Variants in PKD1L3 observed in about 807,000 individuals in gnomAD.
The protein encoded by PKD1L3 is polycystin 1 like 3, transient receptor potential channel interacting, also known as polycystin-1-like protein 3.
A neutral mutation model predicts 184.1 loss-of-function variants in PKD1L3; 239 were observed. The ratio of observed to expected loss-of-function variants is 1.30; its 90% confidence interval spans 1.17 to 1.45. The LOEUF (loss-of-function observed/expected upper bound fraction) is 1.45. Among genes scored for constraint, PKD1L3 ranks in the 40% most tolerant of loss-of-function variants. The pLI, the probability that PKD1L3 is intolerant of heterozygous loss-of-function variation, is 0.00. For synonymous variants in PKD1L3, 996 were observed against 778.8 expected, an observed-to-expected ratio of 1.28 and a Z score of -4.64; for missense variants, 2,660 against 2,067.2, an observed-to-expected ratio of 1.29 and a Z score of -5.56.
intron 17 of PKD1L3, 56 bp downstream of exon 17, chr16:71,954,049 C>CAA (rs1555517214): frequency 3.9e-5 from 44 of 1,124,048 alleles, no homozygotes; most frequent in Admixed American, 7.0e-5. Flanking sequence ...GACCCTGTCT[C>CAA]AAAAAAAAAA....
chr16:71,973,041 T>G (rs2039777584), intron 12 of PKD1L3, among the ~76,000 whole-genome samples: 1 of 152,248 alleles, frequency 6.6e-6, no homozygotes, highest in African/African-American at 2.4e-5. Context: ...TGTAGAATTT[T>G]ATGGCTTCCA....
At chr16:71,931,104 A>T (rs2143073949) in intron 28 of PKD1L3, 1 of 152,200 alleles carries the variant, frequency 6.6e-6, no homozygotes, top group Admixed American at 6.5e-5. Context: ...TTGTTTTTTA[A>T]TGTTTTTTAC....
intron 16 of PKD1L3, among the ~76,000 whole-genome samples, chr16:71,956,165 T>A (rs972561102): frequency 1.1e-4 from 17 of 148,724 alleles, no homozygotes; most frequent in Non-Finnish European, 1.6e-4. Flanking sequence ...GCCCATCATT[T>A]AGCTTTAAAA....
chr16:71,985,882 T>G (rs970620153), intron 5 of PKD1L3, among the ~76,000 whole-genome samples: 1 of 152,122 alleles, frequency 6.6e-6, no homozygotes, highest in Admixed American at 6.6e-5. Context: ...TCCATGTTTT[T>G]GGGAGGAAGG....
chr16:71,983,663 CTTT>C (rs1180950058), intron 6 of PKD1L3, among the ~76,000 whole-genome samples: 22 of 100,336 alleles, frequency 2.2e-4, no homozygotes, highest in African/African-American at 8.2e-4. Context: ...GATTCTCTTT[CTTT>C]TTTTTTTTTT....
intron 4 of PKD1L3, among the ~76,000 whole-genome samples, chr16:71,987,239 G>T (rs1240702973): frequency 6.6e-6 from 1 of 151,184 alleles, no homozygotes; most frequent in Non-Finnish European, 1.5e-5. Context: ...AGGATTTCTT[G>T]AGACTGGTTG....
chr16:71,967,846 A>T, intron 14 of PKD1L3, 60 bp downstream of exon 14: 1 of 1,381,166 alleles, frequency 7.2e-7, no homozygotes, highest in Non-Finnish European at 1.0e-6. Context: ...TCACCAACTC[A>T]GAGTGTGTCT....
chr16:71,983,377 G>A (rs1009133069), intron 6 of PKD1L3, among the ~76,000 whole-genome samples: 6 of 151,824 alleles, frequency 4.0e-5, no homozygotes, highest in Non-Finnish European at 8.8e-5. Flanking sequence ...GAACTCCTGG[G>A]CTCAAGCTAT....
intron 18 of PKD1L3, among the ~76,000 whole-genome samples, chr16:71,952,509 G>A (rs1476090518): frequency 1.1e-4 from 16 of 141,272 alleles, no homozygotes; most frequent in African/African-American, 4.0e-4. Flanking sequence ...GTGAGCCACC[G>A]TGCCCAGCTG....
chr16:71,995,155 G>A (rs773571944), intron 2 of PKD1L3, among the ~76,000 whole-genome samples: 19 of 152,140 alleles, frequency 1.2e-4, no homozygotes, highest in Middle Eastern at 3.2e-3. Flanking sequence ...CTTGGAGTTG[G>A]GGGAAGGCTG....
chr16:71,943,334 C>T (rs892203036), intron 23 of PKD1L3, among the ~76,000 whole-genome samples: 3 of 151,980 alleles, frequency 2.0e-5, no homozygotes, highest in East Asian at 1.9e-4. Flanking sequence ...GTCAGGAGTT[C>T]GAGACCAGCC....
In PKD1L3 at chr16:71,944,052, G is replaced by C; in HGVS notation, c.3837C>G (p.Phe1279Leu). The C allele has an allele frequency of 3.2e-6, 5 of 1,551,922 alleles. No homozygotes were observed. The highest frequency in any genetic ancestry group is 4.4e-6 in the Non-Finnish European group (5 of 1,147,032). Residue 1279 changes from phenylalanine to leucine, a missense_variant, in exon 23 of 30, where the codon TTC becomes TTG. By Grantham distance (22) the Phe-to-Leu change is conservative. Transcript: ENST00000620267. ...TACCCAAAATATCTCCAGTCAGCTT[G>C]AAGAGTTTCTTCTTTTTCAAGGTTC... is the stretch of plus-strand genomic sequence containing the variant. Reference protein sequence around the residue: ...PERTLKKKKLFKLTGDILVQI... With the variant: ...PERTLKKKKLLKLTGDILVQI...
intron 7 of PKD1L3, among the ~76,000 whole-genome samples, chr16:71,980,659 C>T (rs559646781): frequency 6.6e-6 from 1 of 152,184 alleles, no homozygotes. Context: ...CATTGTGAAA[C>T]CCTGTCTCTA....
At chr16:71,993,541 T>G (rs1360504560) in intron 2 of PKD1L3, among the ~76,000 whole-genome samples, 1 of 152,200 alleles carries the variant, frequency 6.6e-6, no homozygotes, top group Non-Finnish European at 1.5e-5. Flanking sequence ...AGTTCACTAG[T>G]TGGGTCAACA....
intron 2 of PKD1L3, among the ~76,000 whole-genome samples, chr16:71,994,343 T>A (rs2040703906): frequency 6.6e-6 from 1 of 152,070 alleles, no homozygotes. Flanking sequence ...TAACCTTGCT[T>A]TCTAACTCAA....
At chr16:71,949,559 C>T (rs949681677) in intron 21 of PKD1L3, among the ~76,000 whole-genome samples, 7 of 151,974 alleles carry the variant, frequency 4.6e-5, no homozygotes, top group African/African-American at 1.7e-4. Flanking sequence ...CATCATGTTG[C>T]CCAGGCTGGT....
chr16:71,941,261 T>C (rs1274652381), intron 24 of PKD1L3, among the ~76,000 whole-genome samples: 2 of 151,752 alleles, frequency 1.3e-5, no homozygotes, highest in Non-Finnish European at 2.9e-5. Context: ...ACCACCATAA[T>C]ATCCTCAGAG....
At position 71,978,326 on chromosome 16, in the gene PKD1L3, T is replaced by G. The variant is rs2040007628; in HGVS notation, c.1456A>C (p.Ser486Arg). 1.9e-6 allele frequency: 3 copies of G among 1,550,858 alleles called. No homozygotes were observed. Among genetic ancestry groups the G allele is most frequent in the Non-Finnish European group, 1.7e-6 (2 of 1,146,502 alleles). The stretch of plus-strand genomic sequence containing the variant: ...GCGCTTAGTAACACACTTCCAATGC[T>G]TCCAACAATGTTTCTGTTGTCCAAA... ...KDLDNRNIVG[S>R]IGSVLLSANR... The change falls in exon 10 of 30, where the codon AGC (serine) becomes CGC (arginine). Residue 486 changes from serine (S) to arginine (R), a missense_variant. Physicochemically the swap from Ser to Arg is moderately radical, Grantham distance 110. Coordinates refer to ENST00000620267, the MANE Select transcript of PKD1L3 (RefSeq NM_181536.2).
intron 12 of PKD1L3, among the ~76,000 whole-genome samples, chr16:71,971,035 G>C (rs908693700): frequency 2.0e-5 from 3 of 152,142 alleles, no homozygotes; most frequent in Non-Finnish European, 4.4e-5. Context: ...TCACTGCTGT[G>C]TCTCTAGTTC....
Sources: allele counts gnomAD v4.1 joint callset (sites outside exome capture counted in the v4.1 genomes callset), GRCh38; gene constraint gnomAD v4.1.1; transcripts MANE v1.5; gene names NCBI Gene and HGNC (gene_info 2026-07-23, HGNC 2026-07-21).